GRIK2: variants seen among roughly 807,000 people sequenced by gnomAD.
The protein encoded by GRIK2 is glutamate ionotropic receptor kainate type subunit 2.
A neutral mutation model predicts 100.3 loss-of-function variants in GRIK2; 32 were observed. That is an observed-to-expected ratio of 0.32 (90% CI 0.24 to 0.43). GRIK2 has a LOEUF of 0.43. GRIK2 is among the 20% of genes least tolerant of loss of function. The probability of loss-of-function intolerance (pLI) is 1.00; values close to 1 mark genes in which losing one functional copy is unlikely to be tolerated. For missense variants in GRIK2, 843 were observed against 1,114.9 expected (o/e 0.76, Z 3.47); for synonymous variants, 417 against 389.4 (o/e 1.07, Z -0.83).
chr6:101,572,317 A>G (rs754711636), intron 2 of GRIK2, among the ~76,000 whole-genome samples: 5 of 152,060 alleles, frequency 3.3e-5, no homozygotes, highest in Admixed American at 6.6e-5. Context: ...CTGAAACAGT[A>G]TATTTCTACC....
At chr6:101,438,246 G>A (rs772002029) in intron 2 of GRIK2, among the ~76,000 whole-genome samples, 1 of 152,070 alleles carries the variant, frequency 6.6e-6, no homozygotes, top group Non-Finnish European at 1.5e-5. Context: ...GGCTTTAGAA[G>A]TTCATTAGGA....
At chr6:101,765,064 C>T (rs943382630) in intron 7 of GRIK2, among the ~76,000 whole-genome samples, 5 of 152,268 alleles carry the variant, frequency 3.3e-5, no homozygotes, top group African/African-American at 1.2e-4. Context: ...TCTGAGCTGT[C>T]ACATCTTTCT....
chr6:101,490,916 A>G lies in GRIK2; in HGVS notation c.115+91524A>G, dbSNP rs150572434. On this transcript the variant is annotated intron_variant, in intron 2 of 16. Coordinates refer to ENST00000369134, the MANE Select transcript of GRIK2 (RefSeq NM_021956.5). The stretch of plus-strand genomic sequence containing the variant: ...TAAGGCAAACTGGATGATGGAGGGA[A>G]TAACAGACATGCATGCGTGCACATA... 2.4e-3 allele frequency among the ~76,000 whole-genome samples: 341 copies of G among 143,008 alleles called. 58 individuals carry two copies. The highest frequency in any genetic ancestry group is 9.0e-3 in the African/African-American group (337 of 37,424). The allele number at this position is 143,008 out of a possible 152,430, so 93.8% of individuals were successfully genotyped here. A position where few individuals can be genotyped will look rare whatever the true frequency, so the allele number is the denominator to read the frequency against.
At chr6:101,679,875 A>G (rs1771114121) in intron 5 of GRIK2, among the ~76,000 whole-genome samples, 1 of 152,092 alleles carries the variant, frequency 6.6e-6, no homozygotes, top group Non-Finnish European at 1.5e-5. Context: ...AGTAGCCGGT[A>G]TTACAGGCAG....
At chr6:101,673,510 T>C (rs1770591771) in intron 4 of GRIK2, among the ~76,000 whole-genome samples, 1 of 152,200 alleles carries the variant, frequency 6.6e-6, no homozygotes, top group Admixed American at 6.5e-5. Context: ...TGCTTGCATC[T>C]ACAGCTGGGC....
chr6:101,979,914 A>G (rs954267541), intron 14 of GRIK2, among the ~76,000 whole-genome samples: 3 of 151,932 alleles, frequency 2.0e-5, no homozygotes, highest in African/African-American at 7.2e-5. Context: ...AGACAGAGCC[A>G]GTTATTTCAC....
intron 2 of GRIK2, among the ~76,000 whole-genome samples, chr6:101,518,434 G>A (rs1004663892): frequency 3.3e-5 from 5 of 152,132 alleles, no homozygotes; most frequent in African/African-American, 1.2e-4. Context: ...CTTTTCTGCA[G>A]TGTATACTGT....
At chr6:101,993,964 CTATA>C (rs1335784792) in intron 14 of GRIK2, 1 of 134,470 alleles carries the variant, frequency 7.4e-6, no homozygotes, top group East Asian at 4.5e-4. Context: ...ATGTATATAT[CTATA>C]TATACATTAC....
intron 16 of GRIK2, among the ~76,000 whole-genome samples, chr6:102,060,940 A>G (rs1337136496): frequency 7.3e-5 from 11 of 150,690 alleles, no homozygotes; most frequent in African/African-American, 1.5e-4. Flanking sequence ...GTTAAAAAGT[A>G]TAAATAAACT....
chr6:101,600,823 G>T (rs1026426027), intron 2 of GRIK2, among the ~76,000 whole-genome samples: 1 of 151,762 alleles, frequency 6.6e-6, no homozygotes, highest in Non-Finnish European at 1.5e-5. Flanking sequence ...AGTCTTTAGG[G>T]TATTCTAGGC....
At chr6:101,669,711 G>A (rs562665874) in intron 4 of GRIK2, among the ~76,000 whole-genome samples, 1 of 152,224 alleles carries the variant, frequency 6.6e-6, no homozygotes, top group East Asian at 1.9e-4. Flanking sequence ...ATCCACATAA[G>A]TTATACTACA....
At chr6:101,471,384 G>T (rs2788281) in intron 2 of GRIK2, among the ~76,000 whole-genome samples, 4 of 152,012 alleles carry the variant, frequency 2.6e-5, no homozygotes, top group African/African-American at 9.7e-5. Flanking sequence ...TTTCACTATG[G>T]CCCCAATAGC....
chr6:101,962,055 G>A (rs928112326), intron 14 of GRIK2, among the ~76,000 whole-genome samples: 1 of 152,160 alleles, frequency 6.6e-6, no homozygotes. Context: ...TGAGGGCAGA[G>A]GGGCTCTCTG....
intron 10 of GRIK2, among the ~76,000 whole-genome samples, chr6:101,855,190 C>A (rs936916263): frequency 6.6e-6 from 1 of 152,104 alleles, no homozygotes; most frequent in Non-Finnish European, 1.5e-5. Context: ...ATATTTTATT[C>A]ATTTAACACA....
At chr6:101,426,404 T>C (rs1293822942) in intron 2 of GRIK2, among the ~76,000 whole-genome samples, 1 of 152,208 alleles carries the variant, frequency 6.6e-6, no homozygotes, top group African/African-American at 2.4e-5. Flanking sequence ...TGCCACGCTA[T>C]TGAACACTAG....
At chr6:101,410,106 C>T (rs543013697) in intron 2 of GRIK2, among the ~76,000 whole-genome samples, 23 of 152,046 alleles carry the variant, frequency 1.5e-4, no homozygotes, top group Admixed American at 1.4e-3. Context: ...TCAGAAGAAA[C>T]AAACCAAAAC....
chr6:101,889,379 G>GT (rs560514647), intron 11 of GRIK2, among the ~76,000 whole-genome samples: 12 of 150,800 alleles, frequency 8.0e-5, no homozygotes, highest in Admixed American at 2.0e-4. Flanking sequence ...ATTCTATGAA[G>GT]TTTTTTTTTC....
chr6:101,943,784 T>G (rs1791102951), intron 14 of GRIK2, among the ~76,000 whole-genome samples: 1 of 152,206 alleles, frequency 6.6e-6, no homozygotes, highest in Non-Finnish European at 1.5e-5. Context: ...TTGTTTTTGA[T>G]TTTACAGGCT....
chr6:101,565,880 A>G (rs1777230413), intron 2 of GRIK2, among the ~76,000 whole-genome samples: 1 of 147,170 alleles, frequency 6.8e-6, no homozygotes, highest in Admixed American at 6.8e-5. Context: ...TGTTACCAAT[A>G]TAATTCTGCC....
Sources: allele counts gnomAD v4.1 joint callset (sites outside exome capture counted in the v4.1 genomes callset), GRCh38; gene constraint gnomAD v4.1.1; transcripts MANE v1.5; gene names NCBI Gene and HGNC (gene_info 2026-07-23, HGNC 2026-07-21).